The following CD302 variants were observed in gnomAD, a reference collection of about 807,000 sequenced individuals.
CD302 encodes CD302 molecule, also known as CD302 antigen.
Under a neutral mutation model 26.5 loss-of-function variants are expected in CD302, and 23 were observed. The ratio of observed to expected loss-of-function variants is 0.87; its 90% confidence interval spans 0.62 to 1.23. The LOEUF (loss-of-function observed/expected upper bound fraction) is 1.23, where lower values mean the gene tolerates loss of function less well. Among genes scored for constraint, CD302 ranks in the 50% most tolerant of loss-of-function variants. CD302 has a pLI of 0.00. For synonymous variants in CD302, 90 were observed against 99.4 expected, an observed-to-expected ratio of 0.91 and a Z score of 0.56; for missense variants, 290 against 275.5, an observed-to-expected ratio of 1.05 and a Z score of -0.37.
chr2:159,781,024 A>C (rs1396082103), intron 2 of CD302, 26 bp from the exon 3 acceptor site: 4 of 1,575,132 alleles, frequency 2.5e-6, no homozygotes, highest in Non-Finnish European at 2.6e-6. Flanking sequence ...AGAGAAAAAA[A>C]GTCAGCATAT....
chr2:159,779,953 C>G, intron 4 of CD302, 52 bp downstream of exon 4: 2 of 1,563,362 alleles, frequency 1.3e-6, no homozygotes, highest in African/African-American at 1.4e-5. Flanking sequence ...TAAAACCAGT[C>G]CTACTTTCTC....
At position 159,770,652 on chromosome 2, in the gene CD302, T is replaced by A. The variant is rs562160124; in HGVS notation, c.*1199A>T. On this transcript the variant is annotated 3_prime_UTR_variant, in exon 6 of 6. Coordinates refer to ENST00000259053, the MANE Select transcript of CD302 (RefSeq NM_014880.5). ...CACATATAGAACAGTGTTTCCTTAG[T>A]AGACCATATTTTTACTGTACCTTTT... 3.3e-5 allele frequency: 5 copies of A among 152,302 alleles called. No homozygotes were observed. The highest frequency in any genetic ancestry group is 5.9e-5 in the Non-Finnish European group (4 of 68,016). The allele number at this position is 152,302 out of a possible 1,614,324, so 9.4% of individuals were successfully genotyped here.
chr2:159,777,729 G>A (rs35481084), intron 5 of CD302, among the ~76,000 whole-genome samples: 76,139 of 151,962 alleles, frequency 0.5, 19,400 homozygotes, highest in Middle Eastern at 0.63. Context: ...AAATATTCCC[G>A]AGTAAAAGAA....
At chr2:159,793,694 T>G (rs900062344) in intron 1 of CD302, among the ~76,000 whole-genome samples, 2 of 152,184 alleles carry the variant, frequency 1.3e-5, no homozygotes, top group South Asian at 2.1e-4. Context: ...AGTCCCTGAC[T>G]AATCCAGAGA....
intron 1 of CD302, among the ~76,000 whole-genome samples, chr2:159,792,477 T>C (rs942593254): frequency 2.1e-5 from 3 of 141,512 alleles, no homozygotes; most frequent in Non-Finnish European, 3.1e-5. Flanking sequence ...TCTGAAAAGA[T>C]AGGGAAAGAA....
chr2:159,782,414 CAAAAAA>C (rs72068957), intron 2 of CD302, among the ~76,000 whole-genome samples: 2 of 70,728 alleles, frequency 2.8e-5, no homozygotes, highest in African/African-American at 1.2e-4. Context: ...CTCCATCTCA[CAAAAAA>C]AAAAAAAAAA....
chr2:159,794,306 A>AAAATAAAATAAAATAAT (rs1560052350), intron 1 of CD302, among the ~76,000 whole-genome samples: 57 of 8,942 alleles, frequency 6.4e-3, no homozygotes, highest in Middle Eastern at 0.031. Flanking sequence ...ATAAAATAAT[A>AAAATAAAATAAAATAAT]AAAAAAAAAA....
chr2:159,794,305 T>TAATA (rs1553795854), intron 1 of CD302, among the ~76,000 whole-genome samples: 5,003 of 108,090 alleles, frequency 0.046, 166 homozygotes, highest in East Asian at 0.081. Flanking sequence ...AATAAAATAA[T>TAATA]AAAAAAAAAA....
chr2:159,769,163 A>AT lies in CD302; in HGVS notation c.*2687dup, dbSNP rs1329458251. The AT allele has an allele frequency of 1.3e-5, 2 of 152,196 alleles. No homozygotes were observed. The highest frequency in any genetic ancestry group is 4.8e-5 in the African/African-American group (2 of 41,454). 9.4% of individuals were successfully genotyped at this position (152,196 alleles called of 1,614,324 possible). On this transcript the variant is annotated 3_prime_UTR_variant, in exon 6 of 6. Transcript: ENST00000259053. ...TACAAGAATGCAATTTTCTAAGAAA[A>AT]TGTAGTTTAAAATGTTATTCTGAAT...
At chr2:159,785,994 T>C (rs756370850) in intron 1 of CD302, among the ~76,000 whole-genome samples, 2 of 152,190 alleles carry the variant, frequency 1.3e-5, no homozygotes. Context: ...CCTCATTGGA[T>C]TGTTGTAAAT....
chr2:159,787,390 AT>A (rs1331673883), intron 1 of CD302, among the ~76,000 whole-genome samples: 1 of 151,748 alleles, frequency 6.6e-6, no homozygotes, highest in Non-Finnish European at 1.5e-5. Flanking sequence ...TACTTATTTT[AT>A]GTTCCTTTTT....
intron 5 of CD302, among the ~76,000 whole-genome samples, chr2:159,776,697 ATTTTTTTT>A (rs753454427): frequency 8.7e-6 from 1 of 114,596 alleles, no homozygotes; most frequent in Non-Finnish European, 1.7e-5. Context: ...CTCACATCCA[ATTTTTTTT>A]TTTTTTTTTT....
intron 1 of CD302, among the ~76,000 whole-genome samples, chr2:159,785,974 A>G (rs993268089): frequency 6.6e-6 from 1 of 152,214 alleles, no homozygotes; most frequent in Non-Finnish European, 1.5e-5. Context: ...GAAAAGGGAG[A>G]TAACATCTAC....
At chr2:159,796,406 C>A (rs1275856125) in intron 1 of CD302, among the ~76,000 whole-genome samples, 1 of 152,152 alleles carries the variant, frequency 6.6e-6, no homozygotes, top group African/African-American at 2.4e-5. Flanking sequence ...AACAATTACC[C>A]TTCATTTTGT....
Position 159,770,501 on chromosome 2 carries a change from G to GAGAT in CD302, c.*1346_*1349dup, listed in dbSNP as rs1157860115. On this transcript the variant is annotated 3_prime_UTR_variant, in exon 6 of 6. Coordinates refer to ENST00000259053, the MANE Select transcript of CD302 (RefSeq NM_014880.5). ...CTTTGTTGCCATTAGTCAAGCTAGT[G>GAGAT]AGATAGTATATCTATCTATCTCCCC... 2.0e-5 allele frequency: 3 copies of GAGAT among 152,142 alleles called. No individual in the cohort carries two copies. The highest frequency in any genetic ancestry group is 7.2e-5 in the African/African-American group (3 of 41,438). 9.4% of individuals were successfully genotyped at this position (152,142 alleles called of 1,614,324 possible). A position where few individuals can be genotyped will look rare whatever the true frequency, so the allele number is the denominator to read the frequency against.
intron 1 of CD302, among the ~76,000 whole-genome samples, chr2:159,786,615 T>G (rs939242116): frequency 1.3e-5 from 2 of 152,192 alleles, no homozygotes. Flanking sequence ...ATTACAGGCA[T>G]GAGCCACTGC....
intron 4 of CD302, among the ~76,000 whole-genome samples, chr2:159,779,230 CAAAAAAAAAAAAAAA>C (rs10710620): frequency 2.1e-5 from 1 of 47,772 alleles, no homozygotes; most frequent in African/African-American, 1.0e-4. Flanking sequence ...GACTGCATCG[CAAAAAAAAAAAAAAA>C]AAAAAAAAAA....
At chr2:159,792,260 A>G (rs768939740) in intron 1 of CD302, among the ~76,000 whole-genome samples, 2 of 152,186 alleles carry the variant, frequency 1.3e-5, no homozygotes, top group African/African-American at 4.8e-5. Context: ...TCCTTATGAC[A>G]TGGCAGGTAG....
intron 2 of CD302, chr2:159,781,350 A>G (rs1278210393): frequency 6.1e-6 from 1 of 163,678 alleles, no homozygotes; most frequent in Non-Finnish European, 1.3e-5. Flanking sequence ...GGAGTTTGAG[A>G]CCAGCCTGGC....
Sources: allele counts gnomAD v4.1 joint callset (sites outside exome capture counted in the v4.1 genomes callset), GRCh38; gene constraint gnomAD v4.1.1; transcripts MANE v1.5; gene names NCBI Gene and HGNC (gene_info 2026-07-23, HGNC 2026-07-21).